Variants in GREB1 observed in about 807,000 individuals in gnomAD.
GREB1 encodes protein GREB1.
Under a neutral mutation model 200.7 loss-of-function variants are expected in GREB1, and 106 were observed. That is an observed-to-expected ratio of 0.53 (90% CI 0.45 to 0.62). The LOEUF is 0.62. GREB1 is among the 20% of genes least tolerant of loss of function. The pLI is 0.00. For synonymous variants in GREB1, 1,132 were observed against 1,092.4 expected, an observed-to-expected ratio of 1.04 and a Z score of -0.72; for missense variants, 2,243 against 2,556.8, an observed-to-expected ratio of 0.88 and a Z score of 2.65.
At chr2:11,522,006 A>G (rs979568451) in intron 1 of GREB1, among the ~76,000 whole-genome samples, 27 of 152,096 alleles carry the variant, frequency 1.8e-4, no homozygotes, top group Admixed American at 1.6e-3. Flanking sequence ...TTTAAACTCA[A>G]AATACGGAGT....
chr2:11,591,408 G>A (rs559325600), intron 10 of GREB1: 16 of 732,424 alleles, frequency 2.2e-5, no homozygotes, highest in African/African-American at 3.4e-5. Flanking sequence ...CATCAAATAC[G>A]AAATCCGGAC....
At chr2:11,500,295 G>A (rs1024118090) in intron 1 of GREB1, among the ~76,000 whole-genome samples, 2 of 152,208 alleles carry the variant, frequency 1.3e-5, no homozygotes, top group African/African-American at 4.8e-5. Context: ...CTGAGTAGCT[G>A]GGATTACAGG....
Position 11,600,952 on chromosome 2 carries a change from T to C in GREB1, c.2486T>C (p.Ile829Thr), listed in dbSNP as rs1443705100. The change falls in exon 16 of 33, where the codon ATC (isoleucine) becomes ACC (threonine). Residue 829 changes from isoleucine to threonine, a missense_variant. Transcript: ENST00000381486. ...GCACTGCAGACACAGCACACCCTCA[T>C]CAGCCCCTACAACGAGATCCACTGG... ...PYALQTQHTL[I>T]SPYNEIHWPA... 1 of 1,613,880 alleles carries C rather than the reference T, an allele frequency of 6.2e-7. No individual in the cohort carries two copies. The highest frequency in any genetic ancestry group is 2.2e-5 in the East Asian group (1 of 44,874).
rs1004674766 is a variant in GREB1, at chr2:11,548,090, A to T, written c.-161-8364A>T. 1.3e-5 allele frequency among the ~76,000 whole-genome samples: 2 copies of T among 151,816 alleles called. No homozygotes were observed. The highest frequency in any genetic ancestry group is 2.9e-5 in the Non-Finnish European group (2 of 67,980). The stretch of plus-strand genomic sequence containing the variant: ...CTACTCAGGAGGCTGAGGTGGGAGG[A>T]TTACTTGAGCCCAGGAGTTGAGGCT... On this transcript the variant is annotated intron_variant, in intron 1 of 32. Transcript: ENST00000381486. This position sits in a 1 kb window ranked among gnomAD's most constrained non-coding sequence, Gnocchi z 5.1.
rs1572790983 is a variant in GREB1, at chr2:11,580,190, GAC to G, written c.773-510_773-509del. On this transcript the variant is annotated intron_variant, in intron 6 of 32. Transcript: ENST00000381486. This position sits in a 1 kb window ranked among gnomAD's most constrained non-coding sequence, Gnocchi z 4.5. ...TTACCTCCCGCCAGGTCCCTCCCACGACACAGGGGGATTATGGGAGCTGCAAT... is the reference window on the plus strand; with the variant it reads ...TTACCTCCCGCCAGGTCCCTCCCACGACAGGGGGATTATGGGAGCTGCAAT... Among the ~76,000 whole-genome samples the G allele has an allele frequency of 6.6e-6, 1 of 152,142 alleles. No individual in the cohort carries two copies. Among genetic ancestry groups the G allele is most frequent in the East Asian group, 1.9e-4 (1 of 5,190 alleles).
chr2:11,598,545 T>C (rs1265175737), intron 14 of GREB1, 135 bp from the exon 15 acceptor site: 1 of 807,014 alleles, frequency 1.2e-6, no homozygotes, highest in African/African-American at 1.7e-5. Context: ...GTTTTTTCCC[T>C]TCCTTTCCCT....
At position 11,632,052 on chromosome 2, in the gene GREB1, G is replaced by A. The variant is rs752868455; in HGVS notation, c.4755G>A (p.Lys1585=). ...VVKEYEMAIY[K]KYWPNHIMLV... is the part of the protein sequence containing the mutation. ...AGGAATACGAGATGGCAATTTATAA[G>A]AAATATTGGCCCAACCACATCATGC... The change falls in exon 27 of 33, where the codon AAG becomes AAA. Residue 1585 remains lysine, a synonymous_variant. Coordinates refer to ENST00000381486, the MANE Select transcript of GREB1 (RefSeq NM_014668.4). 1.4e-5 allele frequency: 23 copies of A among 1,614,052 alleles called. No homozygotes were observed. The highest frequency in any genetic ancestry group is 1.9e-5 in the Non-Finnish European group (23 of 1,179,966).
At chr2:11,555,707 A>G (rs1227879515) in intron 1 of GREB1, among the ~76,000 whole-genome samples, 1 of 152,108 alleles carries the variant, frequency 6.6e-6, no homozygotes, top group Non-Finnish European at 1.5e-5. Context: ...AAATAAATTA[A>G]TTGTTGCCTC....
intron 11 of GREB1, among the ~76,000 whole-genome samples, chr2:11,594,214 T>C (rs1470948197): frequency 1.3e-5 from 2 of 151,418 alleles, no homozygotes; most frequent in African/African-American, 4.9e-5. Context: ...TTTGCAATGT[T>C]GCCCAGGCTG....
chr2:11,526,556 C>CTT (rs369267814), intron 1 of GREB1, among the ~76,000 whole-genome samples: 9 of 138,264 alleles, frequency 6.5e-5, no homozygotes, highest in Non-Finnish European at 6.3e-5. Flanking sequence ...ACTTTAAATC[C>CTT]TTTTTTTTTT....
chr2:11,592,915 C>G lies in GREB1; in HGVS notation c.1485C>G (p.Pro495=), dbSNP rs757307478. 1.9e-6 allele frequency: 3 copies of G among 1,586,792 alleles called. No individual in the cohort carries two copies. Among genetic ancestry groups the G allele is most frequent in the South Asian group, 2.3e-5 (2 of 88,134 alleles). ...CGCCCGCGCCCAGCGCCGCGGCACCCGTGACCTCCGCGCAGCTGCCCTGGC... is the reference window on the plus strand; with the variant it reads ...CGCCCGCGCCCAGCGCCGCGGCACCGGTGACCTCCGCGCAGCTGCCCTGGC... The part of the protein sequence containing the change: ...PFPPAPSAAA[P]VTSAQLPWLA... Residue 495 remains proline, a synonymous_variant, in exon 11 of 33, where the codon CCC becomes CCG. Transcript: ENST00000381486.
intron 1 of GREB1, among the ~76,000 whole-genome samples, chr2:11,521,454 T>TA (rs1673702271): frequency 6.6e-6 from 1 of 152,174 alleles, no homozygotes; most frequent in Admixed American, 6.6e-5. Context: ...TCAAGGATAT[T>TA]AAAAAAATTG....
chr2:11,535,569 G>A (rs1208674242), intron 1 of GREB1, among the ~76,000 whole-genome samples: 2 of 151,934 alleles, frequency 1.3e-5, no homozygotes, highest in African/African-American at 4.8e-5. Flanking sequence ...CTGGCACACA[G>A]GATGACACTT....
At chr2:11,540,836 T>C (rs73915410) in intron 1 of GREB1, among the ~76,000 whole-genome samples, 4,469 of 152,276 alleles carry the variant, frequency 0.029, 239 homozygotes, top group African/African-American at 0.1. Context: ...TATTGGGGGC[T>C]GACTATTGCC....
At chr2:11,564,344 A>G (rs1305104061) in intron 3 of GREB1, among the ~76,000 whole-genome samples, 1 of 151,232 alleles carries the variant, frequency 6.6e-6, no homozygotes, top group Non-Finnish European at 1.5e-5. Context: ...TAGGACTTAT[A>G]GTGTCCAAAT....
Position 11,625,231 on chromosome 2 carries a change from C to T in GREB1, c.4225C>T (p.Pro1409Ser). Residue 1409 changes from proline to serine, a missense_variant, in exon 24 of 33, where the codon CCC (proline) becomes TCC (serine). Pro to Ser is a moderately conservative substitution (Grantham distance 74, BLOSUM62 -1). Coordinates refer to ENST00000381486, the MANE Select transcript of GREB1 (RefSeq NM_014668.4). ...WPDLELFKKL[P>S]FDYIIHDPKY... is the part of the protein sequence containing the mutation. ...AGACCTGGAGCTGTTCAAGAAGTTG[C>T]CCTTTGACTACATCATTCACGACCC... 1 of 1,613,966 alleles carries T rather than the reference C, an allele frequency of 6.2e-7. No individual in the cohort carries two copies.
Position 11,585,787 on chromosome 2 carries a change from G to A in GREB1, c.1041G>A (p.Pro347=), listed in dbSNP as rs762648862. ...KYESAGMSCV[P]QVGLVGPASV... ...AGAGCGCAGGCATGTCCTGCGTGCC[G>A]CAGGTTGGCTTGGTGGGACCAGCTT... Residue 347 remains proline (P), a synonymous_variant, in exon 9 of 33, where the codon CCG becomes CCA. Transcript: ENST00000381486. 18 of 1,613,342 alleles carry A rather than the reference G, an allele frequency of 1.1e-5. No individual in the cohort carries two copies. Among genetic ancestry groups the A allele is most frequent in the Admixed American group, 8.3e-5 (5 of 60,016 alleles).
Position 11,600,936 on chromosome 2 carries a change from A to T in GREB1, c.2470A>T (p.Thr824Ser). Residue 824 changes from threonine to serine, a missense_variant, in exon 16 of 33, where the codon ACA becomes TCA. Physicochemically the swap from Thr to Ser is moderately conservative, Grantham distance 58. Around this residue, in one of 3 missense-constraint regions of GREB1, gnomAD observed 1,178 missense variants for 1,387.4 expected, o/e 0.85. Coordinates refer to ENST00000381486, the MANE Select transcript of GREB1 (RefSeq NM_014668.4). ...HVTSFPYALQ[T>S]QHTLISPYNE... ...GACCTCCTTCCCGTATGCACTGCAG[A>T]CACAGCACACCCTCATCAGCCCCTA... The T allele has an allele frequency of 6.2e-7, 1 of 1,614,192 alleles. No individual in the cohort carries two copies. The highest frequency in any genetic ancestry group is 8.5e-7 in the Non-Finnish European group (1 of 1,180,028).
chr2:11,617,198 C>T (rs781757005), intron 21 of GREB1, among the ~76,000 whole-genome samples: 16 of 152,242 alleles, frequency 1.1e-4, no homozygotes, highest in Non-Finnish European at 2.4e-4. Context: ...AGCGGGTGGG[C>T]AGTGCCAACC....
Sources: allele counts gnomAD v4.1 joint callset (sites outside exome capture counted in the v4.1 genomes callset), GRCh38; gene constraint gnomAD v4.1.1; regional missense constraint gnomAD v4.1.1; non-coding constraint Gnocchi (gnomAD v3.1); transcripts MANE v1.5; gene names NCBI Gene and HGNC (gene_info 2026-07-23, HGNC 2026-07-21).